Variants in PICALM observed in about 807,000 individuals in gnomAD.
The protein encoded by PICALM is phosphatidylinositol-binding clathrin assembly protein.
In PICALM, 40 loss-of-function variants were observed where a neutral mutation model predicts 80.5. That is an observed-to-expected ratio of 0.50 (90% confidence interval 0.39 to 0.65). PICALM has a LOEUF of 0.65. Ranked by LOEUF, PICALM falls within the 30% of genes least tolerant of loss-of-function variation. The probability of loss-of-function intolerance (pLI) is 0.00; values close to 1 mark genes in which losing one functional copy is unlikely to be tolerated. For synonymous variants in PICALM, 288 were observed against 260.3 expected (o/e 1.11, Z -1.02); for missense variants, 676 against 778.9 (o/e 0.87, Z 1.57).
At chr11:85,963,920 CTTTTT>C (rs10686143) in intron 19 of PICALM, among the ~76,000 whole-genome samples, 6 of 72,890 alleles carry the variant, frequency 8.2e-5, no homozygotes, top group East Asian at 4.7e-4. Flanking sequence ...CCACACCTGG[CTTTTT>C]TTTTTTTTTT....
intron 6 of PICALM, 134 bp downstream of exon 6, chr11:86,012,147 T>C (rs2095409198): frequency 4.6e-6 from 2 of 438,224 alleles, no homozygotes; most frequent in African/African-American, 2.0e-5. Flanking sequence ...AAAACTCTTT[T>C]CTCCAAATTA....
At chr11:85,961,523 C>G (rs1270287193) in intron 19 of PICALM, among the ~76,000 whole-genome samples, 8 of 152,214 alleles carry the variant, frequency 5.3e-5, no homozygotes, top group Non-Finnish European at 1.2e-4. Flanking sequence ...CAACTGAATT[C>G]AGTATGTATC....
At chr11:85,974,893 T>C in intron 18 of PICALM, 81 bp from the exon 19 acceptor site, 2 of 944,844 alleles carry the variant, frequency 2.1e-6, no homozygotes, top group South Asian at 1.3e-5. Context: ...ACAACAGGGA[T>C]GACAGGTCCT....
intron 19 of PICALM, among the ~76,000 whole-genome samples, chr11:85,966,647 C>T: frequency 6.6e-6 from 1 of 152,146 alleles, no homozygotes. Context: ...GAAGTCCTAA[C>T]CCCTGGTGCC....
At chr11:86,020,558 T>C (rs1565439853) in intron 4 of PICALM, among the ~76,000 whole-genome samples, 2 of 152,094 alleles carry the variant, frequency 1.3e-5, no homozygotes, top group East Asian at 1.9e-4. Flanking sequence ...AGAACAGAAC[T>C]GCAAGTCCAG....
Position 85,972,120 on chromosome 11 carries a change from T to C in PICALM, c.1944+2588A>G, listed in dbSNP as rs567669563. Among the ~76,000 whole-genome samples the C allele has an allele frequency of 4.0e-5, 6 of 150,800 alleles. No individual in the cohort carries two copies. In the South Asian group the frequency reaches 1.3e-3, roughly 32 times the overall value. On this transcript the variant is annotated intron_variant, in intron 19 of 19. Coordinates refer to ENST00000393346, the MANE Select transcript of PICALM (RefSeq NM_007166.4). ...TTTAAAGGTAGATTTTTGCCAACAT[T>C]AAAAAAAAATGTTTAGGTTTTTAAA...
chr11:86,066,396 T>C (rs1210667736), intron 1 of PICALM, among the ~76,000 whole-genome samples: 3 of 152,194 alleles, frequency 2.0e-5, no homozygotes, highest in African/African-American at 4.8e-5. Context: ...ACCAGGTATA[T>C]TCAAGTTCCA....
intron 19 of PICALM, among the ~76,000 whole-genome samples, chr11:85,966,808 G>A (rs1300763187): frequency 2.0e-5 from 3 of 152,188 alleles, no homozygotes; most frequent in African/African-American, 7.2e-5. Context: ...CATGTTGACA[G>A]GTAGAGACTA....
chr11:86,048,837 C>CAAAAAAA (rs36076234), intron 1 of PICALM, among the ~76,000 whole-genome samples: 1 of 102,046 alleles, frequency 9.8e-6, no homozygotes, highest in Non-Finnish European at 1.9e-5. Flanking sequence ...AACTCCGTCT[C>CAAAAAAA]AAAAAAAAAA....
intron 19 of PICALM, among the ~76,000 whole-genome samples, chr11:85,963,932 T>TTTTTA (rs1281488846): frequency 1.5e-4 from 23 of 148,826 alleles, no homozygotes; most frequent in Admixed American, 2.7e-4. Flanking sequence ...TTTTTTTTTT[T>TTTTTA]TTTTTTTTTT....
intron 14 of PICALM, among the ~76,000 whole-genome samples, chr11:85,983,634 TTA>T (rs1473686519): frequency 3.9e-5 from 6 of 152,180 alleles, no homozygotes; most frequent in African/African-American, 1.4e-4. Context: ...TTTTTCTCTC[TTA>T]TTTTGCTCTA....
At chr11:86,067,102 G>A (rs2096458532) in intron 1 of PICALM, among the ~76,000 whole-genome samples, 1 of 152,134 alleles carries the variant, frequency 6.6e-6, no homozygotes, top group Non-Finnish European at 1.5e-5. Flanking sequence ...AGAATAATAG[G>A]CTTCTGTGTA....
intron 2 of PICALM, 56 bp from the exon 3 acceptor site, chr11:86,026,423 C>T (rs914162990): frequency 1.3e-5 from 13 of 995,448 alleles, no homozygotes; most frequent in East Asian, 9.7e-5. Context: ...AACTCTAATT[C>T]GAAAATTAGG....
chr11:85,992,018 G>A (rs948279807), intron 12 of PICALM, among the ~76,000 whole-genome samples: 2 of 152,020 alleles, frequency 1.3e-5, no homozygotes, highest in African/African-American at 4.8e-5. Context: ...ACCATGCCTG[G>A]CTAATTTAAT....
intron 2 of PICALM, among the ~76,000 whole-genome samples, chr11:86,031,050 T>C (rs1293839598): frequency 6.6e-6 from 1 of 152,148 alleles, no homozygotes; most frequent in Non-Finnish European, 1.5e-5. Context: ...CCCAGGAATT[T>C]GAGGTAGCAG....
intron 14 of PICALM, among the ~76,000 whole-genome samples, chr11:85,983,343 G>A (rs1275785656): frequency 2.0e-5 from 3 of 152,090 alleles, no homozygotes; most frequent in African/African-American, 7.2e-5. Flanking sequence ...GTTCCTTTAA[G>A]ACAAATGAAC....
intron 19 of PICALM, among the ~76,000 whole-genome samples, chr11:85,960,231 T>TAA (rs1251866281): frequency 6.6e-6 from 1 of 152,154 alleles, no homozygotes; most frequent in East Asian, 1.9e-4. Context: ...GATGTGCTAA[T>TAA]AAACTTGCCA....
intron 1 of PICALM, among the ~76,000 whole-genome samples, chr11:86,036,914 C>G (rs970299726): frequency 1.5e-5 from 2 of 129,394 alleles, no homozygotes; most frequent in Non-Finnish European, 3.2e-5. Flanking sequence ...CCAGCCTAAG[C>G]AACACAGGGA....
chr11:86,047,515 A>G (rs139552962), intron 1 of PICALM, among the ~76,000 whole-genome samples: 1 of 152,354 alleles, frequency 6.6e-6, no homozygotes, highest in African/African-American at 2.4e-5. Context: ...AGAACAAACT[A>G]AATCAACTCA....
Sources: gnomAD v4.1 joint callset for allele counts (sites outside exome capture counted in the v4.1 genomes callset) on GRCh38, gnomAD v4.1.1 for gene constraint, MANE v1.5 for transcripts, NCBI Gene and HGNC (gene_info 2026-07-23, HGNC 2026-07-21) for gene names.